The following HOMER2 variants were observed in gnomAD, a reference collection of about 807,000 sequenced individuals.
HOMER2 encodes the protein homer scaffold protein 2.
A neutral mutation model predicts 47.0 loss-of-function variants in HOMER2; 27 were observed. The ratio of observed to expected loss-of-function variants is 0.57; its 90% confidence interval spans 0.42 to 0.79. HOMER2 has a LOEUF of 0.79. Ranked by LOEUF, HOMER2 falls within the 30% of genes least tolerant of loss-of-function variation. The pLI is 0.00. For missense variants in HOMER2, 443 were observed against 435.0 expected, an observed-to-expected ratio of 1.02 and a Z score of -0.16; for synonymous variants, 161 against 163.8, an observed-to-expected ratio of 0.98 and a Z score of 0.13.
chr15:82,840,256 G>A (rs1433931125), exon 2 of HOMER2: 1 of 152,018 alleles, frequency 6.6e-6, no homozygotes, highest in Non-Finnish European at 1.5e-5. Flanking sequence ...AAAACGAAAA[G>A]AATCATGAAA....
At chr15:82,943,688 C>T (rs922172966) in intron 1 of HOMER2, among the ~76,000 whole-genome samples, 3 of 152,194 alleles carry the variant, frequency 2.0e-5, no homozygotes, top group African/African-American at 4.8e-5. Flanking sequence ...CTGTGGATAC[C>T]GCCCACCCCA....
At chr15:82,946,186 T>C (rs541868504) in intron 1 of HOMER2, among the ~76,000 whole-genome samples, 4 of 152,176 alleles carry the variant, frequency 2.6e-5, no homozygotes, top group African/African-American at 9.7e-5. Flanking sequence ...AAATAAACCA[T>C]GTGCTCTGCT....
chr15:82,890,074 T>C (rs987358891), intron 2 of HOMER2, among the ~76,000 whole-genome samples: 3 of 152,100 alleles, frequency 2.0e-5, no homozygotes, highest in African/African-American at 4.8e-5. Context: ...GCAGGGCGCG[T>C]TGGCTCACAC....
At chr15:82,841,618 T>C (rs2051176988) in exon 2 of HOMER2, 2 of 152,194 alleles carry the variant, frequency 1.3e-5, no homozygotes, top group Admixed American at 1.3e-4. Context: ...CCAGTCAATG[T>C]GATGAGTTGA....
intron 8 of HOMER2, among the ~76,000 whole-genome samples, chr15:82,850,858 C>A (rs1427738163): frequency 3.9e-5 from 6 of 152,194 alleles, no homozygotes; most frequent in Non-Finnish European, 4.4e-5. Context: ...AGGCCGCCCC[C>A]CCGCTCCTCA....
At chr15:82,897,206 C>G (rs938704345) in intron 1 of HOMER2, among the ~76,000 whole-genome samples, 1 of 151,470 alleles carries the variant, frequency 6.6e-6, no homozygotes, top group African/African-American at 2.4e-5. Context: ...GCTGGGATTA[C>G]AGGCGCCTGC....
At chr15:82,964,737 T>C (rs1003580456) in intron 1 of HOMER2, among the ~76,000 whole-genome samples, 2 of 151,980 alleles carry the variant, frequency 1.3e-5, no homozygotes, top group African/African-American at 4.8e-5. Context: ...ACCACTGCAC[T>C]CCGGCCTGGG....
intron 1 of HOMER2, among the ~76,000 whole-genome samples, chr15:82,961,872 T>C (rs1446050584): frequency 1.3e-5 from 2 of 152,086 alleles, no homozygotes; most frequent in African/African-American, 4.8e-5. Flanking sequence ...CAAGCGATTC[T>C]CCTGCCTCAG....
At chr15:82,918,392 T>C (rs965566013) in intron 1 of HOMER2, among the ~76,000 whole-genome samples, 3 of 152,114 alleles carry the variant, frequency 2.0e-5, no homozygotes, top group Non-Finnish European at 2.9e-5. Flanking sequence ...GTGATCATGT[T>C]GGGACAGTGC....
At chr15:82,948,072 C>G (rs1281170704) in intron 1 of HOMER2, among the ~76,000 whole-genome samples, 2 of 152,098 alleles carry the variant, frequency 1.3e-5, no homozygotes, top group Admixed American at 6.5e-5. Context: ...TGGTAAAACC[C>G]CATCTCTACT....
chr15:82,854,493 GA>G, intron 6 of HOMER2, 150 bp downstream of exon 6: 1 of 675,622 alleles, frequency 1.5e-6, no homozygotes, highest in Non-Finnish European at 2.5e-6. Flanking sequence ...CAGGGAGGGG[GA>G]GGGACGTTCC....
intron 1 of HOMER2, among the ~76,000 whole-genome samples, chr15:82,978,406 G>A (rs2151262333): frequency 6.6e-6 from 1 of 152,206 alleles, no homozygotes; most frequent in Non-Finnish European, 1.5e-5. Context: ...TTGGAGGTGG[G>A]GACAATAGTG....
chr15:82,954,979 T>C (rs1046791049), upstream of HOMER2, among the ~76,000 whole-genome samples: 7 of 151,562 alleles, frequency 4.6e-5, no homozygotes, highest in Non-Finnish European at 7.4e-5. Context: ...GATTTCACCA[T>C]GTTGGCCAGG....
Position 82,868,176 on chromosome 15 carries a change from G to GT in HOMER2, c.295-3918dup, listed in dbSNP as rs564561273. ...CATGTCCTTTGCCCACTTTTTAATG[G>GT]TTTTTTTATTGTTGTTGTTGTAAAT... is the stretch of plus-strand genomic sequence containing the variant. On this transcript the variant is annotated intron_variant, in intron 3 of 8. Transcript: ENST00000450735. Among the ~76,000 whole-genome samples, 704 of 151,938 alleles carry GT rather than the reference G, an allele frequency of 4.6e-3. 1 individual carries two copies. Among genetic ancestry groups the GT allele is most frequent in the Middle Eastern group, 0.024 (7 of 294 alleles).
At chr15:82,859,623 T>C (rs559708592) in intron 4 of HOMER2, among the ~76,000 whole-genome samples, 1 of 152,204 alleles carries the variant, frequency 6.6e-6, no homozygotes, top group Non-Finnish European at 1.5e-5. Flanking sequence ...TATGGAGAGT[T>C]AGATCAACAC....
At chr15:82,843,442 CAAAAAAAAAAAAAAAA>C (rs56335970) in exon 2 of HOMER2, 3 of 20,512 alleles carry the variant, frequency 1.5e-4, no homozygotes, top group Non-Finnish European at 2.2e-4. Context: ...GACCCCGTCT[CAAAAAAAAAAAAAAAA>C]AAAAAAAAAA....
intron 4 of HOMER2, among the ~76,000 whole-genome samples, chr15:82,863,754 C>T (rs1048191603): frequency 2.6e-5 from 4 of 152,182 alleles, no homozygotes; most frequent in African/African-American, 7.2e-5. Context: ...GTTGGAATAA[C>T]CACTTCCACC....
intron 5 of HOMER2, among the ~76,000 whole-genome samples, chr15:82,856,722 A>G (rs1055103393): frequency 6.6e-6 from 1 of 152,254 alleles, no homozygotes; most frequent in African/African-American, 2.4e-5. Flanking sequence ...AAAGAGTCAC[A>G]GTCCAAAGGC....
At chr15:82,868,541 A>ATATATATATTT in intron 3 of HOMER2, among the ~76,000 whole-genome samples, 1 of 71,264 alleles carries the variant, frequency 1.4e-5, no homozygotes, top group Non-Finnish European at 2.8e-5. Context: ...ATATATATAT[A>ATATATATATTT]TTTTTTTTTT....
Sources: allele counts gnomAD v4.1 joint callset (sites outside exome capture counted in the v4.1 genomes callset), GRCh38; gene constraint gnomAD v4.1.1; transcripts MANE v1.5; gene names NCBI Gene and HGNC (gene_info 2026-07-23, HGNC 2026-07-21).